Variants in PKP1 observed in about 807,000 individuals in gnomAD.
The protein encoded by PKP1 is plakophilin 1.
PKP1 carries 27 observed loss-of-function variants against 76.4 expected under a neutral mutation model. The observed-to-expected ratio is 0.35, with a 90% CI of 0.26 to 0.49. PKP1 has a LOEUF of 0.49. Among genes scored for constraint, PKP1 ranks in the 20% least tolerant of loss-of-function variants. The pLI is 0.99. For synonymous variants in PKP1, 404 were observed against 384.2 expected (o/e 1.05, Z -0.60); for missense variants, 964 against 955.2 (o/e 1.01, Z -0.12).
In PKP1 at chr1:201,323,014, A is replaced by G; in HGVS notation, c.1505A>G (p.Asn502Ser). ...CFSNKSDKMM[N>S]NNYDCPLPEE... Reference sequence around the variant, plus strand: ...CCCTGACCGGCTCTTTATCCTCAGAACAACAACTATGACTGCCCCCTGCCT... The same window carrying G: ...CCCTGACCGGCTCTTTATCCTCAGAGCAACAACTATGACTGCCCCCTGCCT... Residue 502 changes from asparagine (N) to serine (S), a missense_variant and splice_region_variant, in exon 9 of 14, where the codon AAC becomes AGC. Physicochemically the swap from Asn to Ser is conservative, Grantham distance 46. Coordinates refer to ENST00000367324, the MANE Select transcript of PKP1 (RefSeq NM_001005337.3). The G allele has an allele frequency of 6.2e-7, 1 of 1,613,904 alleles. No homozygotes were observed. The highest frequency in any genetic ancestry group is 8.5e-7 in the Non-Finnish European group (1 of 1,179,908).
intron 2 of PKP1, among the ~76,000 whole-genome samples, chr1:201,295,756 G>A (rs371376132): frequency 2.6e-5 from 4 of 152,130 alleles, no homozygotes; most frequent in African/African-American, 9.7e-5. Flanking sequence ...GATGATACTC[G>A]TGTGTCTACT....
intron 3 of PKP1, among the ~76,000 whole-genome samples, chr1:201,314,486 C>G (rs554414863): frequency 3.3e-5 from 5 of 152,206 alleles, no homozygotes; most frequent in African/African-American, 1.2e-4. Context: ...ACAACAACAA[C>G]AACAACAAAA....
At chr1:201,286,988 G>T (rs898202423) in intron 1 of PKP1, among the ~76,000 whole-genome samples, 1 of 152,278 alleles carries the variant, frequency 6.6e-6, no homozygotes. Flanking sequence ...TGTGAATACA[G>T]ATCACACCCA....
At chr1:201,316,504 A>G in intron 3 of PKP1, 49 bp from the exon 4 acceptor site, 3 of 1,555,976 alleles carry the variant, frequency 1.9e-6, no homozygotes, top group South Asian at 2.4e-5. Context: ...CCCCCTCAGC[A>G]GGGCTCCCAG....
rs10920173 is a variant in PKP1, at chr1:201,323,345, G to T, written c.1680+156G>T. ...TATGCTGGGCTCTGGGCTGGGCAATGGGGAAACACTCCTGCCCTTTAGGAG... is the reference window on the plus strand; with the variant it reads ...TATGCTGGGCTCTGGGCTGGGCAATTGGGAAACACTCCTGCCCTTTAGGAG... On this transcript the variant is annotated intron_variant, in intron 9 of 13. Coordinates refer to ENST00000367324, the MANE Select transcript of PKP1 (RefSeq NM_001005337.3). Among the ~76,000 whole-genome samples, 22,482 of 152,126 alleles carry T rather than the reference G, an allele frequency of 0.15. 2,249 individuals carry two copies. The highest frequency in any genetic ancestry group is 0.29 in the African/African-American group (11,902 of 41,486).
chr1:201,319,671 G>C (rs1042077467), intron 6 of PKP1: 7 of 790,374 alleles, frequency 8.9e-6, no homozygotes, highest in Non-Finnish European at 1.5e-5. Context: ...ACATTGCTTG[G>C]GGATGAGCCC....
chr1:201,330,373 G>C lies in PKP1; in HGVS notation c.*332G>C, dbSNP rs552326541. ...TAAGTGTGTGCATGCATGTGCGCGT[G>C]CATGTGTGTGTGTGTGAGTGTCTTA... On this transcript the variant is annotated 3_prime_UTR_variant, in exon 14 of 14. Transcript: ENST00000367324. The C allele has an allele frequency of 6.6e-6, 1 of 152,374 alleles. No homozygotes were observed. Among genetic ancestry groups the C allele is most frequent in the South Asian group, 2.1e-4 (1 of 4,824 alleles). 9.4% of individuals were successfully genotyped at this position (152,374 alleles called of 1,614,324 possible).
intron 1 of PKP1, among the ~76,000 whole-genome samples, chr1:201,292,590 A>G (rs1032400322): frequency 2.6e-5 from 4 of 152,118 alleles, no homozygotes; most frequent in Non-Finnish European, 4.4e-5. Flanking sequence ...CTCTACTCCC[A>G]GCTCAGATAT....
chr1:201,319,165 G>A (rs1197044029), intron 6 of PKP1, among the ~76,000 whole-genome samples: 1 of 152,204 alleles, frequency 6.6e-6, no homozygotes, highest in Non-Finnish European at 1.5e-5. Context: ...CTACCGATGG[G>A]TTGCTAATGA....
At chr1:201,284,377 C>A (rs1655667139) in intron 1 of PKP1, among the ~76,000 whole-genome samples, 1 of 152,216 alleles carries the variant, frequency 6.6e-6, no homozygotes. Flanking sequence ...TGGGCTTGAT[C>A]TCCTGGCCTT....
chr1:201,283,681 G>C lies in PKP1; in HGVS notation c.-22G>C. On this transcript the variant is annotated 5_prime_UTR_variant, in exon 1 of 14. Transcript: ENST00000367324. ...CTCTGCTCTCCTAGGCCCCGGCCGC[G>C]CGCCACCCGCCTCCCGCCACCATGA... The C allele has an allele frequency of 1.2e-6, 2 of 1,608,632 alleles. No homozygotes were observed. Among genetic ancestry groups the C allele is most frequent in the African/African-American group, 1.3e-5 (1 of 74,794 alleles).
In PKP1 at chr1:201,332,653, T is replaced by A. The variant is rs901686318; in HGVS notation, c.*2612T>A. On this transcript the variant is annotated 3_prime_UTR_variant, in exon 14 of 14. Transcript: ENST00000367324. ...TAGCGGCCAATGACAAATCCAGTCA[T>A]TGGCCACCAGCCACCTCTGCAGTGG... 1 of 152,164 alleles carries A rather than the reference T, an allele frequency of 6.6e-6. No homozygotes were observed. The highest frequency in any genetic ancestry group is 1.5e-5 in the Non-Finnish European group (1 of 68,024). The allele number at this position is 152,164 out of a possible 1,614,324, so 9.4% of individuals were successfully genotyped here.
At chr1:201,290,521 G>A (rs1163749367) in intron 1 of PKP1, among the ~76,000 whole-genome samples, 2 of 152,152 alleles carry the variant, frequency 1.3e-5, no homozygotes, top group African/African-American at 4.8e-5. Flanking sequence ...CCTCAAGGAG[G>A]TGGCCTTGGG....
chr1:201,321,132 A>G (rs1380157892), intron 7 of PKP1, among the ~76,000 whole-genome samples: 1 of 152,162 alleles, frequency 6.6e-6, no homozygotes, highest in Non-Finnish European at 1.5e-5. Flanking sequence ...CAGTTGCCGT[A>G]AGGAGGGATT....
At chr1:201,295,774 C>T (rs2300293) in intron 2 of PKP1, among the ~76,000 whole-genome samples, 91,063 of 151,964 alleles carry the variant, frequency 0.6, 27,369 homozygotes, top group East Asian at 0.76. Flanking sequence ...ACTTCACTCA[C>T]GGGTTGATAT....
At chr1:201,328,892 G>T in intron 13 of PKP1, 24 bp downstream of exon 13, 2 of 1,409,312 alleles carry the variant, frequency 1.4e-6, no homozygotes, top group Non-Finnish European at 2.0e-6. Context: ...CACCCTCAGG[G>T]ATGCCTCTGG....
intron 5 of PKP1, 133 bp downstream of exon 5, chr1:201,317,912 A>G (rs1656812503): frequency 1.2e-6 from 1 of 867,904 alleles, no homozygotes; most frequent in Non-Finnish European, 1.9e-6. Context: ...CCCAGGGCTA[A>G]TATCCTGAGA....
chr1:201,288,085 C>T (rs1475327107), intron 1 of PKP1, among the ~76,000 whole-genome samples: 1 of 152,080 alleles, frequency 6.6e-6, no homozygotes. Context: ...ACATGTGTGT[C>T]CTTGCAGCTG....
chr1:201,323,748 C>T (rs576038315), intron 9 of PKP1, among the ~76,000 whole-genome samples: 2 of 152,236 alleles, frequency 1.3e-5, no homozygotes, highest in East Asian at 1.9e-4. Context: ...AAAAGGGAAC[C>T]GAGCAGCAGC....
Sources: allele counts gnomAD v4.1 joint callset (sites outside exome capture counted in the v4.1 genomes callset), GRCh38; gene constraint gnomAD v4.1.1; transcripts MANE v1.5; gene names NCBI Gene and HGNC (gene_info 2026-07-23, HGNC 2026-07-21).